Variants in MYCBPAP observed in about 807,000 individuals in gnomAD.
MYCBPAP encodes MYCBP associated protein.
In MYCBPAP, 60 loss-of-function variants were observed where a neutral mutation model predicts 106.1. That is an observed-to-expected ratio of 0.57 (90% confidence interval 0.46 to 0.70). The LOEUF (loss-of-function observed/expected upper bound fraction) is 0.70, where lower values mean the gene tolerates loss of function less well. Among genes scored for constraint, MYCBPAP ranks in the 30% least tolerant of loss-of-function variants. The probability of loss-of-function intolerance (pLI) is 0.00; values close to 1 mark genes in which losing one functional copy is unlikely to be tolerated. For synonymous variants in MYCBPAP, 407 were observed against 440.6 expected, an observed-to-expected ratio of 0.92 and a Z score of 0.95; for missense variants, 1,064 against 1,169.3, an observed-to-expected ratio of 0.91 and a Z score of 1.31.
intron 18 of MYCBPAP, chr17:50,529,840 AC>A (rs1324505910): frequency 2.2e-6 from 1 of 456,598 alleles, no homozygotes; most frequent in South Asian, 1.5e-5. Flanking sequence ...AGTTTGAAGG[AC>A]TAGAGAGACT....
intron 5 of MYCBPAP, 42 bp downstream of exon 5, chr17:50,518,766 C>T (rs781175875): frequency 1.2e-5 from 18 of 1,551,384 alleles, no homozygotes; most frequent in Non-Finnish European, 1.5e-5. Flanking sequence ...CTCCATCTGG[C>T]AGCAAGGCTC....
intron 1 of MYCBPAP, among the ~76,000 whole-genome samples, chr17:50,511,586 C>G (rs1371486120): frequency 1.3e-5 from 2 of 152,238 alleles, no homozygotes; most frequent in South Asian, 4.1e-4. Context: ...TTCCTACCCC[C>G]ACCTGAGCAC....
At chr17:50,513,234 A>AAAAT (rs1418097971) in intron 1 of MYCBPAP, among the ~76,000 whole-genome samples, 109 of 150,752 alleles carry the variant, frequency 7.2e-4, no homozygotes, top group Non-Finnish European at 1.4e-3. Context: ...AAAAAAAAAA[A>AAAAT]AAAAAAGCTG....
chr17:50,531,434 G>A lies in MYCBPAP; in HGVS notation c.*6G>A, dbSNP rs535734771. 8.2e-6 allele frequency: 13 copies of A among 1,594,988 alleles called. No homozygotes were observed. The highest frequency in any genetic ancestry group is 1.7e-4 in the Middle Eastern group (1 of 5,950). ...CTTTGCGCCTCTGCAGGTGACTCTC[G>A]GGCCCAAGCAACCTTCTGGAAAACG... On this transcript the variant is annotated 3_prime_UTR_variant, in exon 19 of 19. Coordinates refer to ENST00000323776, the MANE Select transcript of MYCBPAP (RefSeq NM_032133.6).
intron 1 of MYCBPAP, among the ~76,000 whole-genome samples, chr17:50,515,244 T>C (rs561825442): frequency 6.7e-6 from 1 of 150,294 alleles, no homozygotes; most frequent in Admixed American, 6.6e-5. Context: ...TCAGGGCTGG[T>C]TGTTCCCCCC....
intron 11 of MYCBPAP, 137 bp downstream of exon 11, chr17:50,523,265 T>C: frequency 1.1e-6 from 1 of 900,068 alleles, no homozygotes; most frequent in Non-Finnish European, 1.7e-6. Flanking sequence ...TCTCATTCCT[T>C]CTGTGAAATG....
At position 50,519,767 on chromosome 17, in the gene MYCBPAP, A is replaced by C; in HGVS notation, c.896A>C (p.His299Pro). 1 of 1,613,764 alleles carries C rather than the reference A, an allele frequency of 6.2e-7. No individual in the cohort carries two copies. The highest frequency in any genetic ancestry group is 1.7e-5 in the Admixed American group (1 of 59,996). ...MEPITHIRKP[H>P]SIRVETGLPA... The stretch of plus-strand genomic sequence containing the variant: ...CCCATCACTCACATCAGGAAGCCCC[A>C]CTCCATCCGGGTGGAGACAGGTGAG... The change falls in exon 7 of 19, where the codon CAC becomes CCC. Residue 299 changes from histidine to proline, a missense_variant. By Grantham distance (77) the His-to-Pro change is moderately conservative. Coordinates refer to ENST00000323776, the MANE Select transcript of MYCBPAP (RefSeq NM_032133.6).
Position 50,509,293 on chromosome 17 carries a change from C to G in MYCBPAP, c.76+543C>G. ...TAGTTCTCTTTTTGACTGCCTTTTC[C>G]TACCACGTGCACTTTCCAGCTGGAT... On this transcript the variant is annotated intron_variant, in intron 1 of 18. Transcript: ENST00000323776. The G allele has an allele frequency of 4.7e-6, 3 of 631,840 alleles. No homozygotes were observed. In the South Asian group the frequency reaches 5.3e-5, roughly 11 times the overall value. The allele number at this position is 631,840 out of a possible 1,614,324, so 39.1% of individuals were successfully genotyped here.
chr17:50,508,555 C>G lies in MYCBPAP; in HGVS notation c.-120C>G. On this transcript the variant is annotated 5_prime_UTR_variant, in exon 1 of 19. Coordinates refer to ENST00000323776, the MANE Select transcript of MYCBPAP (RefSeq NM_032133.6). ...CCAAGTTGATCGGTGGATGCGCGCC[C>G]CCGCGCGGGGCACCGGTTGCTGTGG... 6.5e-7 allele frequency: 1 copy of G among 1,544,248 alleles called. No homozygotes were observed. The highest frequency in any genetic ancestry group is 8.7e-7 in the Non-Finnish European group (1 of 1,145,170).
At chr17:50,531,183 T>C (rs1360044799) in intron 18 of MYCBPAP, 144 bp from the exon 19 acceptor site, 1 of 575,792 alleles carries the variant, frequency 1.7e-6, no homozygotes, top group Non-Finnish European at 2.9e-6. Flanking sequence ...CCAAAAATTA[T>C]TTCACAAGAA....
chr17:50,519,724 C>A lies in MYCBPAP; in HGVS notation c.853C>A (p.Gln285Lys), dbSNP rs2034188597. Residue 285 changes from glutamine to lysine, a missense_variant, in exon 7 of 19, where the codon CAG (glutamine) becomes AAG (lysine). Gln to Lys is a moderately conservative substitution (Grantham distance 53). Transcript: ENST00000323776. ...TCTGGTCATGACCAAGACAAAAACT[C>A]AGCGTGGCCTCATGGAGCCCATCAC... ...TGLVMTKTKTQRGLMEPITHI... is the reference protein window; with the variant it reads ...TGLVMTKTKTKRGLMEPITHI... The A allele has an allele frequency of 6.2e-7, 1 of 1,614,056 alleles. No individual in the cohort carries two copies. Among genetic ancestry groups the A allele is most frequent in the Non-Finnish European group, 8.5e-7 (1 of 1,180,026 alleles).
rs147158861 is a variant in MYCBPAP at position 50,512,617 on chromosome 17, G to A, written c.76+3867G>A. On this transcript the variant is annotated intron_variant, in intron 1 of 18. Transcript: ENST00000323776. ...TCTAACCAAACCTATTGCCTGTACC[G>A]CAAATGTAGGAACTCCTCTAGCTAT... is the stretch of plus-strand genomic sequence containing the variant. 5.2e-3 allele frequency among the ~76,000 whole-genome samples: 798 copies of A among 152,220 alleles called. 11 individuals are homozygous for A. The highest frequency in any genetic ancestry group is 0.018 in the African/African-American group (767 of 41,532).
chr17:50,519,516 G>T, intron 6 of MYCBPAP, 124 bp from the exon 7 acceptor site: 1 of 1,164,632 alleles, frequency 8.6e-7, no homozygotes, highest in East Asian at 2.5e-5. Flanking sequence ...ATGCAATCAC[G>T]GCAGCAATGA....
At chr17:50,516,523 A>G in intron 1 of MYCBPAP, 47 bp from the exon 2 acceptor site, 1 of 1,600,828 alleles carries the variant, frequency 6.2e-7, no homozygotes, top group Middle Eastern at 1.7e-4. Flanking sequence ...ATTGATATAT[A>G]CAGAAGGAGC....
intron 1 of MYCBPAP, chr17:50,509,282 A>C (rs1250427845): frequency 1.2e-5 from 8 of 642,452 alleles, no homozygotes; most frequent in Non-Finnish European, 2.3e-5. Context: ...TCTCTTTTTG[A>C]CTGCCTTTTC....
Position 50,518,955 on chromosome 17 carries a change from A to G in MYCBPAP, c.653-19A>G, listed in dbSNP as rs200137408. 1,049 of 1,608,434 alleles carry G rather than the reference A, an allele frequency of 6.5e-4. 8 individuals carry two copies. The highest frequency in any genetic ancestry group is 4.3e-3 in the Admixed American group (255 of 59,990). On this transcript the variant is annotated intron_variant, in intron 5 of 18. Transcript: ENST00000323776. ...GTTCTGGTTCGGCAGAGTGGCGGCA[A>G]TCTTGCCTCTCTCTCTAGAACACCT...
intron 1 of MYCBPAP, chr17:50,514,984 A>G: frequency 2.5e-6 from 1 of 394,704 alleles, no homozygotes; most frequent in South Asian, 1.8e-5. Context: ...GCTCTTCACG[A>G]TATGGCGGCT....
intron 12 of MYCBPAP, among the ~76,000 whole-genome samples, 166 bp from the exon 13 acceptor site, chr17:50,524,711 C>CGTGTGTGTGTGTGT (rs1555621272): frequency 1.8e-4 from 25 of 138,906 alleles, no homozygotes; most frequent in African/African-American, 4.9e-4. Context: ...TTAGAACAGG[C>CGTGTGTGTGTGTGT]GTGTGTGTGT....
At chr17:50,508,311 A>C, upstream of MYCBPAP, 9 of 416,986 alleles carry the variant, frequency 2.2e-5, no homozygotes, top group East Asian at 4.6e-5. Flanking sequence ...CCAGCCAGCC[A>C]CTCCCACCCA....
Sources: gnomAD v4.1 joint callset for allele counts (sites outside exome capture counted in the v4.1 genomes callset) on GRCh38, gnomAD v4.1.1 for gene constraint, MANE v1.5 for transcripts, NCBI Gene and HGNC (gene_info 2026-07-23, HGNC 2026-07-21) for gene names.